Variants in ZNF148 observed in about 807,000 individuals in gnomAD.
The protein encoded by ZNF148 is Beta-Enolase Repressor Factor-1.
ZNF148 carries 7 observed loss-of-function variants against 67.7 expected under a neutral mutation model. The observed-to-expected ratio is 0.10, with a 90% CI of 0.06 to 0.19. ZNF148 has a LOEUF of 0.19. Among genes scored for constraint, ZNF148 ranks in the 10% least tolerant of loss-of-function variants. The pLI, the probability that ZNF148 is intolerant of heterozygous loss-of-function variation, is 1.00. For synonymous variants in ZNF148, 333 were observed against 330.7 expected (o/e 1.01, Z -0.08); for missense variants, 583 against 947.1 (o/e 0.62, Z 5.05).
intron 1 of ZNF148, among the ~76,000 whole-genome samples, chr3:125,347,703 ATTCT>A (rs1430416231): frequency 6.6e-6 from 1 of 151,360 alleles, no homozygotes. Context: ...AATTTTATGT[ATTCT>A]TTTTATAGAG....
chr3:125,245,283 C>T (rs1002034386), intron 7 of ZNF148, among the ~76,000 whole-genome samples: 1 of 152,132 alleles, frequency 6.6e-6, no homozygotes, highest in Non-Finnish European at 1.5e-5. Context: ...GGGGGCATTT[C>T]CCCTCATGCC....
At chr3:125,340,866 T>G (rs1373544119) in intron 1 of ZNF148, among the ~76,000 whole-genome samples, 1 of 150,084 alleles carries the variant, frequency 6.7e-6, no homozygotes, top group Non-Finnish European at 1.5e-5. Flanking sequence ...CGGGCGCCTG[T>G]AGTCCCAGCT....
intron 7 of ZNF148, among the ~76,000 whole-genome samples, chr3:125,264,819 A>G (rs2107580494): frequency 6.6e-6 from 1 of 152,352 alleles, no homozygotes; most frequent in East Asian, 1.9e-4. Flanking sequence ...TATTCCTGAG[A>G]AATCTCATCA....
At chr3:125,278,689 A>G (rs1014606636) in intron 6 of ZNF148, among the ~76,000 whole-genome samples, 1 of 152,072 alleles carries the variant, frequency 6.6e-6, no homozygotes, top group Non-Finnish European at 1.5e-5. Flanking sequence ...TTACATGTCT[A>G]GTTTGTTTAC....
chr3:125,285,301 C>T (rs1225954930), intron 5 of ZNF148, among the ~76,000 whole-genome samples: 1 of 152,146 alleles, frequency 6.6e-6, no homozygotes, highest in Non-Finnish European at 1.5e-5. Context: ...GGGTAAGTTT[C>T]TCTTTCTCTT....
At chr3:125,298,346 T>TACACACACATACACACACAC (rs1553820636) in intron 4 of ZNF148, among the ~76,000 whole-genome samples, 8 of 145,654 alleles carry the variant, frequency 5.5e-5, no homozygotes, top group African/African-American at 2.1e-4. Flanking sequence ...TAAATGTGCA[T>TACACACACATACACACACAC]ACACACACAC....
chr3:125,246,919 G>A (rs1936625474), intron 7 of ZNF148, among the ~76,000 whole-genome samples: 1 of 152,110 alleles, frequency 6.6e-6, no homozygotes, highest in African/African-American at 2.4e-5. Context: ...CTTCCAGGAG[G>A]TTGGAAAGAT....
At chr3:125,265,168 A>T (rs1937507446) in intron 7 of ZNF148, among the ~76,000 whole-genome samples, 1 of 152,260 alleles carries the variant, frequency 6.6e-6, no homozygotes, top group Non-Finnish European at 1.5e-5. Context: ...GCAATCTTTT[A>T]CTTTTTAATA....
At chr3:125,327,342 G>C (rs1941074805) in intron 2 of ZNF148, among the ~76,000 whole-genome samples, 1 of 152,120 alleles carries the variant, frequency 6.6e-6, no homozygotes, top group South Asian at 2.1e-4. Flanking sequence ...TAATTAGACA[G>C]AAAATTAGCA....
intron 7 of ZNF148, among the ~76,000 whole-genome samples, chr3:125,269,757 T>C (rs1246633429): frequency 6.6e-6 from 1 of 152,168 alleles, no homozygotes; most frequent in Non-Finnish European, 1.5e-5. Context: ...ATATACACCA[T>C]GGAATACTAC....
At chr3:125,350,818 C>A (rs922231600) in intron 1 of ZNF148, among the ~76,000 whole-genome samples, 1 of 152,108 alleles carries the variant, frequency 6.6e-6, no homozygotes, top group Admixed American at 6.5e-5. Context: ...TGGCAGCAGT[C>A]CATATATATA....
rs530503776 is a variant in ZNF148, at chr3:125,356,418, T to C, written c.-234+18684A>G. On this transcript the variant is annotated intron_variant, in intron 1 of 8. Transcript: ENST00000360647. ...TTCTATACCTGTATCATGCTAACAA[T>C]ACTGAAAATCTGCCCAGAAACAAGC... 1.7e-3 allele frequency among the ~76,000 whole-genome samples: 265 copies of C among 152,266 alleles called. 2 individuals are homozygous for C. In the South Asian group the frequency reaches 0.019, roughly 11 times the overall value.
At chr3:125,311,483 T>C (rs1169834590) in intron 4 of ZNF148, 1 of 152,214 alleles carries the variant, frequency 6.6e-6, no homozygotes, top group Admixed American at 6.5e-5. Flanking sequence ...CATTTTCTTA[T>C]GATCAAAGAA....
rs377239625 is a variant in ZNF148, at chr3:125,323,327, C to T, written c.-35G>A. On this transcript the variant is annotated 5_prime_UTR_variant, in exon 3 of 9. Transcript: ENST00000360647. ...AAATTACCCGAGACTAAGGTAAAAACGAAGACTTCAAGGAAAGGAATGCTG... is the reference window on the plus strand; with the variant it reads ...AAATTACCCGAGACTAAGGTAAAAATGAAGACTTCAAGGAAAGGAATGCTG... 32 of 646,804 alleles carry T rather than the reference C, an allele frequency of 4.9e-5. No individual in the cohort carries two copies. Among genetic ancestry groups the T allele is most frequent in the African/African-American group, 2.2e-4 (12 of 54,374 alleles). The allele number at this position is 646,804 out of a possible 1,614,324, so 40.1% of individuals were successfully genotyped here. A position where few individuals can be genotyped will look rare whatever the true frequency, so the allele number is the denominator to read the frequency against.
chr3:125,321,668 G>A (rs538933072), intron 3 of ZNF148, among the ~76,000 whole-genome samples: 3 of 152,094 alleles, frequency 2.0e-5, no homozygotes, highest in African/African-American at 7.2e-5. Flanking sequence ...ACAAGGAGAG[G>A]GGGAGGGAAA....
intron 3 of ZNF148, among the ~76,000 whole-genome samples, chr3:125,320,562 A>G (rs929628872): frequency 1.3e-5 from 2 of 152,172 alleles, no homozygotes; most frequent in African/African-American, 4.8e-5. Flanking sequence ...TGGAACTTCA[A>G]CTATGAGTCA....
At chr3:125,295,979 G>C (rs1939260761) in intron 4 of ZNF148, among the ~76,000 whole-genome samples, 2 of 151,904 alleles carry the variant, frequency 1.3e-5, no homozygotes, top group South Asian at 4.2e-4. Flanking sequence ...CAAAGGATTA[G>C]CAATTTCTAT....
chr3:125,330,909 T>C (rs1473334788), intron 2 of ZNF148, among the ~76,000 whole-genome samples: 1 of 152,178 alleles, frequency 6.6e-6, no homozygotes, highest in Non-Finnish European at 1.5e-5. Flanking sequence ...ATGCAAGTAA[T>C]CTTAAGAGAA....
intron 7 of ZNF148, among the ~76,000 whole-genome samples, chr3:125,253,993 C>G (rs921206107): frequency 2.0e-5 from 3 of 151,956 alleles, no homozygotes; most frequent in Non-Finnish European, 4.4e-5. Flanking sequence ...ATTATTTTTT[C>G]CTTAAACATC....
Sources: gnomAD v4.1 joint callset for allele counts (sites outside exome capture counted in the v4.1 genomes callset) on GRCh38, gnomAD v4.1.1 for gene constraint, MANE v1.5 for transcripts, NCBI Gene and HGNC (gene_info 2026-07-23, HGNC 2026-07-21) for gene names.